JHY: variants seen among roughly 807,000 people sequenced by gnomAD.
The protein encoded by JHY is jhy protein homolog.
A neutral mutation model predicts 78.0 loss-of-function variants in JHY; 69 were observed. The ratio of observed to expected loss-of-function variants is 0.88; its 90% CI spans 0.73 to 1.08. JHY has a LOEUF of 1.08. Ranked by LOEUF, JHY falls within the 50% of genes least tolerant of loss-of-function variation. The probability of loss-of-function intolerance (pLI) is 0.00; values close to 1 mark genes in which losing one functional copy is unlikely to be tolerated. For synonymous variants in JHY, 368 were observed against 342.6 expected (o/e 1.07, Z -0.82); for missense variants, 944 against 927.8 (o/e 1.02, Z -0.23).
intron 4 of JHY, among the ~76,000 whole-genome samples, chr11:122,929,875 A>C (rs1024399057): frequency 6.6e-6 from 1 of 152,178 alleles, no homozygotes; most frequent in African/African-American, 2.4e-5. Context: ...AAATAACTTG[A>C]AAATAAAAAG....
intron 3 of JHY, chr11:122,905,233 C>CT (rs1862962580): frequency 6.2e-7 from 1 of 1,614,074 alleles, no homozygotes; most frequent in Non-Finnish European, 8.5e-7. Flanking sequence ...AGCCAGTAAA[C>CT]TTAGTTCCAT....
chr11:122,914,884 A>T (rs1313858133), intron 3 of JHY, among the ~76,000 whole-genome samples: 1 of 152,146 alleles, frequency 6.6e-6, no homozygotes, highest in East Asian at 1.9e-4. Context: ...CTTACTTATG[A>T]CAGCATAATT....
At position 122,959,481 on chromosome 11, in the gene JHY, A is replaced by G; in HGVS notation, c.*36A>G. The stretch of plus-strand genomic sequence containing the variant: ...ATAGGAAGGAGACCAAAAATGGTCC[A>G]GGAATGAACGTGGAGAAAAGAAACG... On this transcript the variant is annotated 3_prime_UTR_variant, in exon 9 of 9. Transcript: ENST00000227349. The G allele has an allele frequency of 6.3e-7, 1 of 1,592,462 alleles. No homozygotes were observed. Among genetic ancestry groups the G allele is most frequent in the South Asian group, 1.1e-5 (1 of 89,690 alleles).
rs964306310 is a variant in JHY at position 122,961,634 on chromosome 11, C to T, written c.*2189C>T. 2.6e-5 allele frequency among the ~76,000 whole-genome samples: 4 copies of T among 152,152 alleles called. No homozygotes were observed. Among genetic ancestry groups the T allele is most frequent in the Non-Finnish European group, 4.4e-5 (3 of 68,040 alleles). On this transcript the variant is annotated 3_prime_UTR_variant, in exon 9 of 9. Coordinates refer to ENST00000227349, the MANE Select transcript of JHY (RefSeq NM_024806.4). ...CCTTCCAAAGTGCTGGGATTACAGGCGTTAGCTACTACACCTGGCCCTATG... is the reference window on the plus strand; with the variant it reads ...CCTTCCAAAGTGCTGGGATTACAGGTGTTAGCTACTACACCTGGCCCTATG...
intron 2 of JHY, among the ~76,000 whole-genome samples, chr11:122,890,628 G>A (rs1208319707): frequency 6.6e-6 from 1 of 152,002 alleles, no homozygotes; most frequent in African/African-American, 2.4e-5. Flanking sequence ...CAGTGCTCAG[G>A]GACCTGACTT....
At chr11:122,950,195 G>T (rs1864059499) in intron 6 of JHY, among the ~76,000 whole-genome samples, 1 of 152,078 alleles carries the variant, frequency 6.6e-6, no homozygotes, top group Non-Finnish European at 1.5e-5. Flanking sequence ...TTACATGGTA[G>T]TTAGGCTGTA....
chr11:122,918,712 G>C (rs1863286962), intron 3 of JHY, among the ~76,000 whole-genome samples: 1 of 151,216 alleles, frequency 6.6e-6, no homozygotes, highest in Non-Finnish European at 1.5e-5. Flanking sequence ...ATAAATGCAA[G>C]TTCAGTGAGC....
chr11:122,884,987 T>C (rs1464956044), intron 1 of JHY, among the ~76,000 whole-genome samples: 3 of 151,482 alleles, frequency 2.0e-5, no homozygotes, highest in African/African-American at 7.3e-5. Flanking sequence ...TTTTTTTTTT[T>C]TTTGTAGAGA....
intron 4 of JHY, among the ~76,000 whole-genome samples, chr11:122,934,064 T>C (rs1168974219): frequency 1.3e-5 from 2 of 152,124 alleles, no homozygotes; most frequent in African/African-American, 4.8e-5. Context: ...TAATCCTAAA[T>C]TTCCAGGAGG....
chr11:122,923,298 G>A lies in JHY; in HGVS notation c.865-1599G>A, dbSNP rs560196249. The stretch of plus-strand genomic sequence containing the variant: ...AGTTAGGGAGCAATATGTTTATCAT[G>A]CATGAAACAGATTTCTTTTCTCCTC... On this transcript the variant is annotated intron_variant, in intron 3 of 8. Coordinates refer to ENST00000227349, the MANE Select transcript of JHY (RefSeq NM_024806.4). Among the ~76,000 whole-genome samples, 5 of 152,290 alleles carry A rather than the reference G, an allele frequency of 3.3e-5. No individual in the cohort carries two copies. The East Asian group carries it at 7.7e-4, about 23-fold the overall frequency.
At position 122,935,249 on chromosome 11, in the gene JHY, T is replaced by A. The variant is rs201934410; in HGVS notation, c.1634+174T>A. Among the ~76,000 whole-genome samples, 1 of 152,030 alleles carries A rather than the reference T, an allele frequency of 6.6e-6. No individual in the cohort carries two copies. The highest frequency in any genetic ancestry group is 6.6e-5 in the Admixed American group (1 of 15,264). ...TGCCTCAAAGAGTCCACTTTTTTTT[T>A]TTTTAGACAGATTCTTGCTCTGTTG... On this transcript the variant is annotated intron_variant, in intron 5 of 8. Coordinates refer to ENST00000227349, the MANE Select transcript of JHY (RefSeq NM_024806.4). This position sits in a 1 kb window ranked among gnomAD's most constrained non-coding sequence, Gnocchi z 4.5.
intron 3 of JHY, among the ~76,000 whole-genome samples, chr11:122,908,943 AC>A (rs1412908516): frequency 6.6e-5 from 10 of 152,206 alleles, no homozygotes; most frequent in Non-Finnish European, 1.5e-4. Flanking sequence ...GGAAGAATAC[AC>A]AAAAAGTATA....
At chr11:122,945,191 T>C (rs1433542928) in intron 5 of JHY, among the ~76,000 whole-genome samples, 1 of 152,234 alleles carries the variant, frequency 6.6e-6, no homozygotes, top group Non-Finnish European at 1.5e-5. Flanking sequence ...TTCTCAGTGC[T>C]TCTTTCTGAA....
At chr11:122,951,235 T>C (rs1031090575) in intron 6 of JHY, among the ~76,000 whole-genome samples, 1 of 152,192 alleles carries the variant, frequency 6.6e-6, no homozygotes, top group Non-Finnish European at 1.5e-5. Flanking sequence ...GAGTTCCGAA[T>C]GCCAGGCATT....
chr11:122,931,193 C>T (rs1040882016), intron 4 of JHY, among the ~76,000 whole-genome samples: 24 of 152,108 alleles, frequency 1.6e-4, no homozygotes, highest in Non-Finnish European at 2.9e-4. Context: ...AACCATGGCA[C>T]CAGGCAAGAA....
Position 122,883,334 on chromosome 11 carries a change from G to C in JHY, c.-90+362G>C, listed in dbSNP as rs1473168664. ...GGTAGAAAACCGAACGCCTCCCCTG[G>C]GCAGCTTCCGGCCTGTTTCAAACCA... is the stretch of plus-strand genomic sequence containing the variant. On this transcript the variant is annotated intron_variant, in intron 1 of 8. Transcript: ENST00000227349. This position sits in a 1 kb window ranked among gnomAD's most constrained non-coding sequence, Gnocchi z 4.4. 1.3e-5 allele frequency among the ~76,000 whole-genome samples: 2 copies of C among 152,106 alleles called. No homozygotes were observed. The highest frequency in any genetic ancestry group is 1.3e-4 in the Admixed American group (2 of 15,284).
intron 3 of JHY, among the ~76,000 whole-genome samples, chr11:122,912,177 C>T (rs1330828674): frequency 6.6e-6 from 1 of 151,594 alleles, no homozygotes; most frequent in African/African-American, 2.4e-5. Flanking sequence ...ATCCCACCTA[C>T]TCAAGAGGCT....
intron 3 of JHY, among the ~76,000 whole-genome samples, chr11:122,919,212 G>A (rs1027387381): frequency 3.3e-5 from 5 of 151,876 alleles, no homozygotes; most frequent in Admixed American, 1.3e-4. Flanking sequence ...AATTAGCCAG[G>A]CATGGTGGTG....
intron 6 of JHY, among the ~76,000 whole-genome samples, chr11:122,955,046 T>C (rs958628831): frequency 5.3e-5 from 8 of 152,218 alleles, no homozygotes; most frequent in Non-Finnish European, 1.2e-4. Flanking sequence ...CCAAATTAAG[T>C]AACAAACTGA....
Sources: gnomAD v4.1 joint callset for allele counts (sites outside exome capture counted in the v4.1 genomes callset) on GRCh38, gnomAD v4.1.1 for gene constraint, Gnocchi (gnomAD v3.1) non-coding constraint, MANE v1.5 for transcripts, NCBI Gene and HGNC (gene_info 2026-07-23, HGNC 2026-07-21) for gene names.